The following ZDBF2 variants were observed in gnomAD, a reference collection of about 807,000 sequenced individuals.
The protein encoded by ZDBF2 is zinc finger DBF-type containing 2.
In ZDBF2, 6 loss-of-function variants were observed where a neutral mutation model predicts 9.4. The ratio of observed to expected loss-of-function variants is 0.64; its 90% confidence interval spans 0.35 to 1.27. The LOEUF (loss-of-function observed/expected upper bound fraction) is 1.27, where lower values mean the gene tolerates loss of function less well. Among genes scored for constraint, ZDBF2 ranks in the 50% most tolerant of loss-of-function variants. The pLI, the probability that ZDBF2 is intolerant of heterozygous loss-of-function variation, is 0.03. For synonymous variants in ZDBF2, 905 were observed against 946.3 expected (o/e 0.96, Z 0.80); for missense variants, 2,697 against 2,766.8 (o/e 0.97, Z 0.57).
In ZDBF2 at chr2:206,307,881, A is replaced by C. The variant is rs887222014; in HGVS notation, c.3353A>C (p.His1118Pro). 25 of 1,613,540 alleles carry C rather than the reference A, an allele frequency of 1.5e-5. No individual in the cohort carries two copies. Among genetic ancestry groups the C allele is most frequent in the African/African-American group, 6.7e-5 (5 of 74,928 alleles). Residue 1118 changes from histidine to proline, a missense_variant, in exon 5 of 5, where the codon CAT becomes CCT. Physicochemically the swap from His to Pro is moderately conservative, Grantham distance 77. Coordinates refer to ENST00000374423, the MANE Select transcript of ZDBF2 (RefSeq NM_020923.3). ...GAACCTAGTACTTATAAATTAATAC[A>C]TCATCCTGATGTTTCTGTCCAATCT... The part of the protein sequence containing the change: ...INEPSTYKLI[H>P]HPDVSVQSVA...
chr2:206,307,287 A>G lies in ZDBF2; in HGVS notation c.2759A>G (p.Tyr920Cys), dbSNP rs550052385. The G allele has an allele frequency of 7.9e-4, 1,266 of 1,609,374 alleles. 12 individuals are homozygous for G. In the South Asian group the frequency reaches 0.013, roughly 17 times the overall value. The change falls in exon 5 of 5, where the codon TAT (tyrosine) becomes TGT (cysteine). Residue 920 changes from tyrosine (Y) to cysteine (C), a missense_variant. By Grantham distance (194) the Tyr-to-Cys change is radical. Transcript: ENST00000374423. ...EPIDSEVSLD[Y>C]NIIFHSVTGR... Reference sequence around the variant, plus strand: ...ATTGATTCTGAAGTAAGTTTGGATTATAATATCATTTTTCATTCAGTGACT... The same window carrying G: ...ATTGATTCTGAAGTAAGTTTGGATTGTAATATCATTTTTCATTCAGTGACT...
rs1693306928 is a variant in ZDBF2 at position 206,314,401 on chromosome 2, C to T, written c.*2808C>T. 1 of 150,788 alleles carries T rather than the reference C, an allele frequency of 6.6e-6. No homozygotes were observed. The highest frequency in any genetic ancestry group is 1.5e-5 in the Non-Finnish European group (1 of 67,880). The allele number at this position is 150,788 out of a possible 1,614,324, so 9.3% of individuals were successfully genotyped here. A position where few individuals can be genotyped will look rare whatever the true frequency, so the allele number is the denominator to read the frequency against. ...AAGCTAAACTTGTTTTTGATGTTAT[C>T]AAGATAAAATTTATTAAACCTTGAA... On this transcript the variant is annotated 3_prime_UTR_variant, in exon 5 of 5. Transcript: ENST00000374423.
rs1692708172 is a variant in ZDBF2, at chr2:206,305,140, A to G, written c.612A>G (p.Thr204=). The G allele has an allele frequency of 6.2e-7, 1 of 1,613,696 alleles. No homozygotes were observed. The highest frequency in any genetic ancestry group is 8.5e-7 in the Non-Finnish European group (1 of 1,179,818). Residue 204 remains threonine (T), a synonymous_variant, in exon 5 of 5, where the codon ACA becomes ACG. Transcript: ENST00000374423. The part of the protein sequence containing the change: ...SSNDRPVTAN[T]TSLPPAAHLD... ...ACGATAGACCAGTTACAGCTAATAC[A>G]ACTAGTTTACCACCAGCAGCTCATT... is the stretch of plus-strand genomic sequence containing the variant.
At chr2:206,298,183 A>G (rs1692298720) in intron 4 of ZDBF2, among the ~76,000 whole-genome samples, 1 of 152,226 alleles carries the variant, frequency 6.6e-6, no homozygotes, top group African/African-American at 2.4e-5. Flanking sequence ...TGTTTTTAAT[A>G]AAAATAATTA....
chr2:206,297,289 G>C lies in ZDBF2; in HGVS notation c.104G>C (p.Arg35Thr), dbSNP rs1475836616. The C allele has an allele frequency of 6.3e-7, 1 of 1,581,590 alleles. No homozygotes were observed. The highest frequency in any genetic ancestry group is 8.7e-7 in the Non-Finnish European group (1 of 1,150,352). The change falls in exon 4 of 5, where the codon AGA (arginine) becomes ACA (threonine). Residue 35 changes from arginine to threonine, a missense_variant. Arg to Thr is a moderately conservative substitution (Grantham distance 71, BLOSUM62 -1). Around this residue, in one of 3 missense-constraint regions of ZDBF2, gnomAD observed 910 missense variants for 973.6 expected, o/e 0.93. Coordinates refer to ENST00000374423, the MANE Select transcript of ZDBF2 (RefSeq NM_020923.3). ...CACAGGAGTTTGACCAGACAGAGTA[G>C]ACGTCAAATATGTACCAGTAGTTTG... Reference protein sequence around the residue: ...AQHRSLTRQSRRQICTSSLME... With the variant: ...AQHRSLTRQSTRQICTSSLME...
At chr2:206,290,911 G>T (rs902802512) in intron 3 of ZDBF2, among the ~76,000 whole-genome samples, 2 of 151,672 alleles carry the variant, frequency 1.3e-5, no homozygotes, top group African/African-American at 4.8e-5. Flanking sequence ...GATATCCTTG[G>T]TTTTTTTTGG....
At chr2:206,300,641 G>C (rs1692452837) in intron 4 of ZDBF2, among the ~76,000 whole-genome samples, 1 of 152,112 alleles carries the variant, frequency 6.6e-6, no homozygotes, top group Non-Finnish European at 1.5e-5. Context: ...TGAAGTTACT[G>C]TTTTTCCTAA....
At chr2:206,284,537 C>T (rs1160148099) in intron 3 of ZDBF2, among the ~76,000 whole-genome samples, 2 of 152,172 alleles carry the variant, frequency 1.3e-5, no homozygotes. Context: ...TTTAGAACAA[C>T]TAGAACATAT....
At chr2:206,288,440 T>G (rs1559136489) in intron 3 of ZDBF2, among the ~76,000 whole-genome samples, 3 of 152,226 alleles carry the variant, frequency 2.0e-5, no homozygotes, top group South Asian at 4.1e-4. Flanking sequence ...GCTTCTGGGA[T>G]CCACCTGTTC....
chr2:206,311,145 A>G lies in ZDBF2; in HGVS notation c.6617A>G (p.Lys2206Arg), dbSNP rs779660881. 6.2e-7 allele frequency: 1 copy of G among 1,613,690 alleles called. No individual in the cohort carries two copies. The highest frequency in any genetic ancestry group is 1.1e-5 in the South Asian group (1 of 90,912). ...KPIILQQKPR[K>R]ASEKQSIWIR... ...ATTATTCTCCAGCAAAAACCCAGAA[A>G]AGCTTCAGAGAAACAGTCAATTTGG... Residue 2206 changes from lysine (K) to arginine (R), a missense_variant, in exon 5 of 5, where the codon AAA becomes AGA. Around this residue, in one of 3 missense-constraint regions of ZDBF2, gnomAD observed 1,783 missense variants for 1,776.5 expected, o/e 1.00. Coordinates refer to ENST00000374423, the MANE Select transcript of ZDBF2 (RefSeq NM_020923.3).
At position 206,313,758 on chromosome 2, in the gene ZDBF2, C is replaced by G. The variant is rs1452948933; in HGVS notation, c.*2165C>G. On this transcript the variant is annotated 3_prime_UTR_variant, in exon 5 of 5. Coordinates refer to ENST00000374423, the MANE Select transcript of ZDBF2 (RefSeq NM_020923.3). ...TGTTACCATTTTCACATTGGAAGCC[C>G]TTCTAAGTACCATTTTCATTGGGGG... 6.6e-6 allele frequency: 1 copy of G among 152,068 alleles called. No individual in the cohort carries two copies. Among genetic ancestry groups the G allele is most frequent in the Non-Finnish European group, 1.5e-5 (1 of 67,988 alleles). 9.4% of individuals were successfully genotyped at this position (152,068 alleles called of 1,614,324 possible).
intron 2 of ZDBF2, among the ~76,000 whole-genome samples, chr2:206,279,969 T>A (rs973433730): frequency 6.6e-4 from 101 of 152,152 alleles, no homozygotes; most frequent in Non-Finnish European, 4.7e-4. Flanking sequence ...CACACCCAGC[T>A]AGTTTTTGTA....
chr2:206,306,412 T>G lies in ZDBF2; in HGVS notation c.1884T>G (p.Cys628Trp). 1 of 1,613,818 alleles carries G rather than the reference T, an allele frequency of 6.2e-7. No individual in the cohort carries two copies. The highest frequency in any genetic ancestry group is 8.5e-7 in the Non-Finnish European group (1 of 1,179,806). The change falls in exon 5 of 5, where the codon TGT becomes TGG. Residue 628 changes from cysteine (C) to tryptophan (W), a missense_variant. Cys to Trp is a radical substitution (Grantham distance 215). This residue lies in a region of ZDBF2 where 910 missense variants were observed against 973.6 expected (regional missense o/e 0.93). Coordinates refer to ENST00000374423, the MANE Select transcript of ZDBF2 (RefSeq NM_020923.3). ...GTAGTGCTAAAGCACATCTTGATTG[T>G]GATGTCTCACTTGGGACAGTTGCAG... is the stretch of plus-strand genomic sequence containing the variant. ...KPSSAKAHLD[C>W]DVSLGTVADE...
rs561948164 is a variant in ZDBF2, at chr2:206,284,614, T to C, written c.60+2705T>C. ...CTCCCAATTTCTCTTCCCTGACTTC[T>C]TCCCAGCTTCTAGTAATCAGCATTC... On this transcript the variant is annotated intron_variant, in intron 3 of 4. Coordinates refer to ENST00000374423, the MANE Select transcript of ZDBF2 (RefSeq NM_020923.3). Among the ~76,000 whole-genome samples, 87 of 152,350 alleles carry C rather than the reference T, an allele frequency of 5.7e-4. 1 individual carries two copies. Among genetic ancestry groups the C allele is most frequent in the Middle Eastern group, 3.4e-3 (1 of 294 alleles).
In ZDBF2 at chr2:206,305,755, T is replaced by C; in HGVS notation, c.1227T>C (p.Asp409=). ...CTAGAGGTTCAGAAATGAGTTTTGA[T>C]TGCAGTTCCTCTTTTCATTCACTGA... ...YESRGSEMSF[D]CSSSFHSLTD... is the part of the protein sequence containing the mutation. The change falls in exon 5 of 5, where the codon GAT becomes GAC. Residue 409 remains aspartate, a synonymous_variant. Coordinates refer to ENST00000374423, the MANE Select transcript of ZDBF2 (RefSeq NM_020923.3). 1 of 1,613,738 alleles carries C rather than the reference T, an allele frequency of 6.2e-7. No homozygotes were observed. The highest frequency in any genetic ancestry group is 8.5e-7 in the Non-Finnish European group (1 of 1,179,798).
chr2:206,312,427 T>C lies in ZDBF2; in HGVS notation c.*834T>C, dbSNP rs1228622982. 6.6e-6 allele frequency: 1 copy of C among 152,160 alleles called. No individual in the cohort carries two copies. Among genetic ancestry groups the C allele is most frequent in the African/African-American group, 2.4e-5 (1 of 41,434 alleles). 9.4% of individuals were successfully genotyped at this position (152,160 alleles called of 1,614,324 possible). A position where few individuals can be genotyped will look rare whatever the true frequency, so the allele number is the denominator to read the frequency against. ...TTTTTATGTTTATTTATTATTATTA[T>C]TTTTTGAGACAGAGTCTCACTGTCT... On this transcript the variant is annotated 3_prime_UTR_variant, in exon 5 of 5. Transcript: ENST00000374423.
In ZDBF2 at chr2:206,304,755, C is replaced by T. The variant is rs774520767; in HGVS notation, c.227C>T (p.Ser76Leu). Residue 76 changes from serine to leucine, a missense_variant, in exon 5 of 5, where the codon TCG becomes TTG. This residue lies in a region of ZDBF2 where 910 missense variants were observed against 973.6 expected (regional missense o/e 0.93). Coordinates refer to ENST00000374423, the MANE Select transcript of ZDBF2 (RefSeq NM_020923.3). ...GAGACACATGTGAATACTGGGTCAT[C>T]GTCTGAAGTGGTGCATTTGGATGAT... ...QDETHVNTGS[S>L]SEVVHLDDAF... 18 of 1,612,886 alleles carry T rather than the reference C, an allele frequency of 1.1e-5. No homozygotes were observed. The highest frequency in any genetic ancestry group is 1.3e-5 in the African/African-American group (1 of 74,876).
chr2:206,299,258 T>C (rs1380690360), intron 4 of ZDBF2, among the ~76,000 whole-genome samples: 2 of 152,254 alleles, frequency 1.3e-5, no homozygotes, highest in African/African-American at 4.8e-5. Flanking sequence ...AAAAATTTTT[T>C]ATTTTTATTT....
At chr2:206,277,372 A>C (rs1037470357) in intron 1 of ZDBF2, among the ~76,000 whole-genome samples, 1 of 151,932 alleles carries the variant, frequency 6.6e-6, no homozygotes, top group South Asian at 2.1e-4. Context: ...ATTTCTGCCT[A>C]AGTCATCTGG....
Sources: gnomAD v4.1 joint callset for allele counts (sites outside exome capture counted in the v4.1 genomes callset) on GRCh38, gnomAD v4.1.1 for gene constraint, gnomAD v4.1.1 regional missense constraint, MANE v1.5 for transcripts, NCBI Gene and HGNC (gene_info 2026-07-23, HGNC 2026-07-21) for gene names.